Variants in ADGRL3 observed in about 807,000 individuals in gnomAD.
ADGRL3 encodes the protein adhesion G protein-coupled receptor L3, also known as calcium-independent alpha-latrotoxin receptor 3.
A neutral mutation model predicts 153.5 loss-of-function variants in ADGRL3; 62 were observed. That is an observed-to-expected ratio of 0.40 (90% CI 0.33 to 0.50). ADGRL3 has a LOEUF of 0.50. Ranked by LOEUF, ADGRL3 falls within the 20% of genes least tolerant of loss-of-function variation. ADGRL3 has a pLI of 0.47. For synonymous variants in ADGRL3, 710 were observed against 672.5 expected (o/e 1.06, Z -0.86); for missense variants, 1,641 against 1,859.4 (o/e 0.88, Z 2.16).
chr4:61,958,377 G>GTTTCTTTCTTTC (rs3065141), intron 17 of ADGRL3, among the ~76,000 whole-genome samples: 5,681 of 148,124 alleles, frequency 0.038, 133 homozygotes, highest in Non-Finnish European at 0.051. Context: ...TGTTGTAAAG[G>GTTTCTTTCTTTC]TTTCTTTCTT....
At chr4:61,869,953 AAAAAAAAAG>A (rs2098428483) in intron 9 of ADGRL3, among the ~76,000 whole-genome samples, 1 of 112,764 alleles carries the variant, frequency 8.9e-6, no homozygotes, top group South Asian at 3.2e-4. Context: ...AAAAAAAAAA[AAAAAAAAAG>A]AGAGAGAGAG....
At chr4:61,256,076 A>G (rs568136195) in intron 1 of ADGRL3, among the ~76,000 whole-genome samples, 1 of 152,318 alleles carries the variant, frequency 6.6e-6, no homozygotes, top group Non-Finnish European at 1.5e-5. Context: ...CAAAGGGTCC[A>G]GGGGACTGAA....
intron 9 of ADGRL3, among the ~76,000 whole-genome samples, chr4:61,832,437 T>G (rs780866705): frequency 6.7e-4 from 102 of 152,198 alleles, no homozygotes; most frequent in Non-Finnish European, 1.2e-3. Flanking sequence ...AGGGGAGTCT[T>G]AATACAATTG....
At chr4:61,806,492 CAT>C (rs973720305) in intron 8 of ADGRL3, among the ~76,000 whole-genome samples, 2 of 151,628 alleles carry the variant, frequency 1.3e-5, no homozygotes, top group African/African-American at 4.8e-5. Flanking sequence ...ATTATAAACA[CAT>C]ATTTGCTATT....
At chr4:61,929,284 A>G (rs1301278967) in intron 13 of ADGRL3, among the ~76,000 whole-genome samples, 2 of 152,066 alleles carry the variant, frequency 1.3e-5, no homozygotes, top group Non-Finnish European at 2.9e-5. Flanking sequence ...CAGACAATGA[A>G]TCTGCAGGTA....
chr4:61,528,662 C>A (rs1013704396), intron 4 of ADGRL3, among the ~76,000 whole-genome samples: 2 of 152,076 alleles, frequency 1.3e-5, no homozygotes, highest in Non-Finnish European at 2.9e-5. Context: ...TTTGTTTATT[C>A]TCTAGCCAGA....
At chr4:61,441,439 G>A (rs1486683768) in intron 2 of ADGRL3, among the ~76,000 whole-genome samples, 1 of 151,948 alleles carries the variant, frequency 6.6e-6, no homozygotes, top group African/African-American at 2.4e-5. Flanking sequence ...CTTCAGTCAA[G>A]CTAGACACCT....
At chr4:61,827,991 T>C (rs1156250916) in intron 9 of ADGRL3, among the ~76,000 whole-genome samples, 3 of 152,170 alleles carry the variant, frequency 2.0e-5, no homozygotes, top group Non-Finnish European at 4.4e-5. Context: ...TTAGTTATCT[T>C]GAGATGTAAT....
chr4:61,426,450 G>T (rs2097282411), intron 2 of ADGRL3, among the ~76,000 whole-genome samples: 1 of 152,110 alleles, frequency 6.6e-6, no homozygotes, highest in Non-Finnish European at 1.5e-5. Flanking sequence ...CGGGAATGGG[G>T]GGGTGCCCCT....
At chr4:61,729,551 G>A (rs2096405192) in intron 6 of ADGRL3, among the ~76,000 whole-genome samples, 1 of 151,906 alleles carries the variant, frequency 6.6e-6, no homozygotes, top group African/African-American at 2.4e-5. Context: ...GCATATCTCA[G>A]TTCATCTCTT....
intron 8 of ADGRL3, among the ~76,000 whole-genome samples, chr4:61,792,385 A>T (rs969284206): frequency 6.6e-6 from 1 of 152,186 alleles, no homozygotes; most frequent in Non-Finnish European, 1.5e-5. Flanking sequence ...AGACCACTTT[A>T]ACCTGGACCT....
chr4:61,285,455 A>G (rs540569721), intron 1 of ADGRL3, among the ~76,000 whole-genome samples: 1 of 151,812 alleles, frequency 6.6e-6, no homozygotes, highest in Non-Finnish European at 1.5e-5. Flanking sequence ...CCATCTGCTT[A>G]GGTTGCAAAT....
chr4:61,367,924 G>A (rs1333797547), intron 1 of ADGRL3, among the ~76,000 whole-genome samples: 120 of 149,496 alleles, frequency 8.0e-4, no homozygotes, highest in African/African-American at 2.8e-3. Flanking sequence ...TTTAATGATC[G>A]CCATTCTAAC....
intron 6 of ADGRL3, among the ~76,000 whole-genome samples, chr4:61,730,143 G>T (rs374047252): frequency 9.5e-4 from 145 of 152,014 alleles, no homozygotes; most frequent in African/African-American, 3.4e-3. Flanking sequence ...CTTAGGAAAT[G>T]AGTTGCCGAG....
chr4:61,277,817 A>G (rs2093542027), intron 1 of ADGRL3, among the ~76,000 whole-genome samples: 1 of 152,214 alleles, frequency 6.6e-6, no homozygotes, highest in African/African-American at 2.4e-5. Flanking sequence ...TCTATTGCTT[A>G]TAATAAATTA....
chr4:61,592,611 T>A (rs1427475095), intron 5 of ADGRL3, among the ~76,000 whole-genome samples: 1 of 152,136 alleles, frequency 6.6e-6, no homozygotes, highest in African/African-American at 2.4e-5. Context: ...AAATGGGAAA[T>A]TTCCTATATG....
chr4:61,391,739 A>G (rs997152113), intron 2 of ADGRL3, among the ~76,000 whole-genome samples: 2 of 151,538 alleles, frequency 1.3e-5, no homozygotes, highest in African/African-American at 4.9e-5. Flanking sequence ...AGAAAGTTTT[A>G]TCTTCTTCAA....
intron 8 of ADGRL3, among the ~76,000 whole-genome samples, chr4:61,799,011 A>ACAG (rs1180665315): frequency 9.3e-6 from 1 of 107,804 alleles, no homozygotes; most frequent in African/African-American, 3.5e-5. Context: ...ATATATATAT[A>ACAG]TATATATATA....
intron 9 of ADGRL3, among the ~76,000 whole-genome samples, chr4:61,826,502 A>T (rs2097802805): frequency 6.6e-6 from 1 of 152,184 alleles, no homozygotes; most frequent in South Asian, 2.1e-4. Flanking sequence ...TAATTTCTAG[A>T]ATATAATAAG....
Sources: allele counts gnomAD v4.1 joint callset (sites outside exome capture counted in the v4.1 genomes callset), GRCh38; gene constraint gnomAD v4.1.1; transcripts MANE v1.5; gene names NCBI Gene and HGNC (gene_info 2026-07-23, HGNC 2026-07-21).